RGS7: variants seen among roughly 807,000 people sequenced by gnomAD.
RGS7 encodes regulator of G protein signaling 7, also known as regulator of G-protein signaling 7.
A neutral mutation model predicts 81.1 loss-of-function variants in RGS7; 27 were observed. That is an observed-to-expected ratio of 0.33 (90% CI 0.25 to 0.46). RGS7 has a LOEUF of 0.46. RGS7 is among the 20% of genes least tolerant of loss of function. The pLI is 1.00. For missense variants in RGS7, 396 were observed against 607.4 expected, an observed-to-expected ratio of 0.65 and a Z score of 3.66; for synonymous variants, 208 against 207.7, an observed-to-expected ratio of 1.00 and a Z score of -0.01.
At chr1:241,109,770 G>A (rs1008305680) in intron 2 of RGS7, among the ~76,000 whole-genome samples, 1 of 151,812 alleles carries the variant, frequency 6.6e-6, no homozygotes, top group African/African-American at 2.4e-5. Flanking sequence ...CCAGCCTGAC[G>A]AACATGGTGA....
chr1:241,122,821 G>T (rs1036871262), intron 2 of RGS7, among the ~76,000 whole-genome samples: 1 of 152,152 alleles, frequency 6.6e-6, no homozygotes, highest in Non-Finnish European at 1.5e-5. Context: ...TGTCCCACTT[G>T]ATTTGTTGAC....
chr1:240,793,735 G>A (rs544138879), intron 18 of RGS7, among the ~76,000 whole-genome samples: 18 of 149,742 alleles, frequency 1.2e-4, no homozygotes, highest in Admixed American at 4.7e-4. Context: ...TCAGCCTCCC[G>A]AGTAGCTGGG....
intron 2 of RGS7, among the ~76,000 whole-genome samples, chr1:241,247,388 A>G (rs1399714561): frequency 1.3e-5 from 2 of 152,180 alleles, no homozygotes; most frequent in Non-Finnish European, 2.9e-5. Flanking sequence ...AGTTCTGTGT[A>G]TGTAAATTAT....
intron 2 of RGS7, among the ~76,000 whole-genome samples, chr1:241,187,089 T>C (rs1481760418): frequency 6.6e-6 from 1 of 152,114 alleles, no homozygotes; most frequent in Non-Finnish European, 1.5e-5. Context: ...TTTGAAGTAC[T>C]GAAAAGGTTA....
At chr1:240,875,261 C>G (rs1665196014) in intron 6 of RGS7, among the ~76,000 whole-genome samples, 3 of 152,120 alleles carry the variant, frequency 2.0e-5, no homozygotes, top group African/African-American at 7.2e-5. Flanking sequence ...TTTTCAGATT[C>G]CACACGAGTG....
intron 4 of RGS7, among the ~76,000 whole-genome samples, chr1:240,940,742 A>G (rs144918081): frequency 7.9e-5 from 12 of 152,290 alleles, no homozygotes; most frequent in Non-Finnish European, 1.6e-4. Context: ...TGGGTGTTAA[A>G]GTGTTGATGA....
intron 3 of RGS7, among the ~76,000 whole-genome samples, chr1:241,065,239 A>T (rs2061993333): frequency 7.0e-6 from 1 of 142,044 alleles, no homozygotes; most frequent in Non-Finnish European, 1.5e-5. Context: ...AATATATATT[A>T]AAAGATATAT....
At chr1:240,955,380 G>A (rs1680201412) in intron 4 of RGS7, among the ~76,000 whole-genome samples, 1 of 151,990 alleles carries the variant, frequency 6.6e-6, no homozygotes, top group African/African-American at 2.4e-5. Flanking sequence ...GTGAAACCCT[G>A]TCTCTACTAA....
intron 3 of RGS7, among the ~76,000 whole-genome samples, chr1:241,030,655 A>G (rs182120822): frequency 5.3e-5 from 8 of 151,988 alleles, no homozygotes; most frequent in Admixed American, 5.3e-4. Context: ...TCTCCTGTCG[A>G]CCATTCTAGT....
At chr1:241,217,081 G>T (rs1331925697) in intron 2 of RGS7, among the ~76,000 whole-genome samples, 1 of 152,104 alleles carries the variant, frequency 6.6e-6, no homozygotes, top group Non-Finnish European at 1.5e-5. Context: ...GCTGTATTTG[G>T]ACACAGGGCC....
At chr1:241,016,877 C>G (rs1293950974) in intron 3 of RGS7, among the ~76,000 whole-genome samples, 2 of 152,116 alleles carry the variant, frequency 1.3e-5, no homozygotes, top group Non-Finnish European at 2.9e-5. Flanking sequence ...CACTTGTTTT[C>G]TACTCATTGC....
chr1:241,049,296 C>T (rs981241095), intron 3 of RGS7, among the ~76,000 whole-genome samples: 3 of 152,216 alleles, frequency 2.0e-5, no homozygotes, highest in African/African-American at 7.2e-5. Flanking sequence ...CTGGACATTA[C>T]TGGTGTTATC....
intron 2 of RGS7, among the ~76,000 whole-genome samples, chr1:241,155,521 CTG>C (rs1489531682): frequency 6.9e-6 from 1 of 145,624 alleles, no homozygotes; most frequent in Non-Finnish European, 1.5e-5. Flanking sequence ...GATTTGAGAA[CTG>C]TAAGAAAGCC....
intron 2 of RGS7, among the ~76,000 whole-genome samples, chr1:241,227,566 C>A: frequency 3.7e-5 from 1 of 26,782 alleles, no homozygotes; most frequent in African/African-American, 1.0e-4. Context: ...GACTCTGTCT[C>A]TACCAAAAAA....
intron 2 of RGS7, among the ~76,000 whole-genome samples, chr1:241,331,976 T>C: frequency 6.6e-6 from 1 of 152,188 alleles, no homozygotes; most frequent in East Asian, 1.9e-4. Flanking sequence ...AAGAGAACAA[T>C]CGAGTTTCCA....
intron 5 of RGS7, among the ~76,000 whole-genome samples, chr1:240,932,333 G>T (rs924592581): frequency 6.6e-6 from 1 of 152,082 alleles, no homozygotes; most frequent in Non-Finnish European, 1.5e-5. Context: ...AGACTAAACT[G>T]CTAGACAAAA....
chr1:240,820,908 T>C (rs1353723126), intron 10 of RGS7, among the ~76,000 whole-genome samples: 3 of 152,224 alleles, frequency 2.0e-5, no homozygotes, highest in Admixed American at 1.3e-4. Context: ...TCTGTGTTTC[T>C]ATGTGAAATG....
chr1:241,031,641 TTTTTTTGAC>T, intron 3 of RGS7, among the ~76,000 whole-genome samples: 1 of 152,280 alleles, frequency 6.6e-6, no homozygotes, highest in South Asian at 2.1e-4. Context: ...ACATCTCTTA[TTTTTTTGAC>T]TTTTTATAAT....
chr1:240,800,608 G>T, intron 18 of RGS7, 33 bp downstream of exon 18: 1 of 1,359,250 alleles, frequency 7.4e-7, no homozygotes, highest in South Asian at 1.3e-5. Flanking sequence ...AGACAATGCA[G>T]ACAAACTTGA....
Sources: gnomAD v4.1 joint callset for allele counts (sites outside exome capture counted in the v4.1 genomes callset) on GRCh38, gnomAD v4.1.1 for gene constraint, MANE v1.5 for transcripts, NCBI Gene and HGNC (gene_info 2026-07-23, HGNC 2026-07-21) for gene names.